Variants in PCDHGB5 observed in about 807,000 individuals in gnomAD.
PCDHGB5 encodes the protein protocadherin gamma subfamily B, 5, also known as protocadherin gamma-B5.
PCDHGB5 carries 48 observed loss-of-function variants against 62.9 expected under a neutral mutation model. That is an observed-to-expected ratio of 0.76 (90% CI 0.61 to 0.97). The LOEUF is 0.97. Among genes scored for constraint, PCDHGB5 ranks in the 50% least tolerant of loss-of-function variants. The probability of loss-of-function intolerance (pLI) is 0.00; values close to 1 mark genes in which losing one functional copy is unlikely to be tolerated. For synonymous variants in PCDHGB5, 474 were observed against 511.2 expected, an observed-to-expected ratio of 0.93 and a Z score of 0.98; for missense variants, 1,118 against 1,198.6, an observed-to-expected ratio of 0.93 and a Z score of 0.99.
Position 141,432,038 on chromosome 5 carries a change from C to G in PCDHGB5, c.2397+31514C>G, listed in dbSNP as rs202246871. ...CAACATCACAGTGACCGCCACTGAC[C>G]GGGGAACCCCGCCCCTATCCACGGA... On this transcript the variant is annotated intron_variant, in intron 1 of 3. Transcript: ENST00000617380. This position sits in a 1 kb window ranked among gnomAD's most constrained non-coding sequence, Gnocchi z 6.0. 2 of 1,614,190 alleles carry G rather than the reference C, an allele frequency of 1.2e-6. No homozygotes were observed. The highest frequency in any genetic ancestry group is 8.5e-7 in the Non-Finnish European group (1 of 1,180,032).
Position 141,476,024 on chromosome 5 carries a change from C to T in PCDHGB5, c.2398-18783C>T. ...ATCCAGAAAGCCATGTCGGACTCGG[C>T]GCCCAGCGCCCAAGCGCTAACCCGC... On this transcript the variant is annotated intron_variant, in intron 1 of 3. Coordinates refer to ENST00000617380, the MANE Select transcript of PCDHGB5 (RefSeq NM_018925.3). The surrounding 1 kb of genome is among the most constrained non-coding windows in gnomAD (Gnocchi z 7.6). The T allele has an allele frequency of 1.4e-6, 2 of 1,416,548 alleles. No individual in the cohort carries two copies. Among genetic ancestry groups the T allele is most frequent in the Non-Finnish European group, 9.5e-7 (1 of 1,058,066 alleles). 87.7% of individuals were successfully genotyped at this position (1,416,548 alleles called of 1,614,324 possible).
intron 3 of PCDHGB5, among the ~76,000 whole-genome samples, chr5:141,507,772 A>C (rs2099863177): frequency 6.6e-6 from 1 of 152,332 alleles, no homozygotes; most frequent in South Asian, 2.1e-4. Flanking sequence ...TGGCCCACAC[A>C]GGGCCTGACC....
intron 1 of PCDHGB5, chr5:141,428,087 G>A (rs2097108117): frequency 6.2e-7 from 1 of 1,609,106 alleles, no homozygotes; most frequent in Non-Finnish European, 8.5e-7. Context: ...ACAACGCTTG[G>A]CTGTCCTACC....
rs553104661 is a variant in PCDHGB5 at position 141,460,009 on chromosome 5, C to T, written c.2398-34798C>T. ...AGGAGAATCGCTTGAACCCAGGAGG[C>T]GGAGGTTGCAGTGAGCCGAGACTGC... On this transcript the variant is annotated intron_variant, in intron 1 of 3. Coordinates refer to ENST00000617380, the MANE Select transcript of PCDHGB5 (RefSeq NM_018925.3). 9.9e-4 allele frequency among the ~76,000 whole-genome samples: 150 copies of T among 152,212 alleles called. 1 individual carries two copies. The highest frequency in any genetic ancestry group is 3.4e-3 in the Middle Eastern group (1 of 294).
chr5:141,451,330 T>C (rs1335156581), intron 1 of PCDHGB5, among the ~76,000 whole-genome samples: 2 of 152,200 alleles, frequency 1.3e-5, no homozygotes, highest in East Asian at 1.9e-4. Context: ...CCTAAGGCTA[T>C]TGTCTTATCT....
In PCDHGB5 at chr5:141,422,884, G is replaced by C. The variant is rs202035589; in HGVS notation, c.2397+22360G>C. On this transcript the variant is annotated intron_variant, in intron 1 of 3. Transcript: ENST00000617380. ...CAGCAACGTGTCGCTGAGCCTGTTC[G>C]TGCTGGACCAGAACGACAATGCGCC... The C allele has an allele frequency of 1.7e-4, 278 of 1,614,240 alleles. No homozygotes were observed. The African/African-American group carries it at 2.0e-3, about 12-fold the overall frequency.
intron 1 of PCDHGB5, among the ~76,000 whole-genome samples, chr5:141,467,051 T>G (rs988417775): frequency 6.6e-6 from 1 of 151,462 alleles, no homozygotes; most frequent in Non-Finnish European, 1.5e-5. Context: ...TGAATCAATG[T>G]TTTCTTTTTT....
intron 1 of PCDHGB5, among the ~76,000 whole-genome samples, chr5:141,450,666 T>G (rs1434496607): frequency 6.6e-6 from 1 of 151,890 alleles, no homozygotes; most frequent in African/African-American, 2.4e-5. Context: ...TTTGTACTTT[T>G]AGTAGAAACG....
At chr5:141,400,943 T>G (rs1253479872) in intron 1 of PCDHGB5, among the ~76,000 whole-genome samples, 1 of 152,260 alleles carries the variant, frequency 6.6e-6, no homozygotes, top group East Asian at 1.9e-4. Flanking sequence ...CTTTCTTCAC[T>G]GATTTCACTG....
In PCDHGB5 at chr5:141,490,462, ACCAG is replaced by A; in HGVS notation, c.2398-4338_2398-4335del. On this transcript the variant is annotated intron_variant, in intron 1 of 3. Coordinates refer to ENST00000617380, the MANE Select transcript of PCDHGB5 (RefSeq NM_018925.3). The surrounding 1 kb of genome is among the most constrained non-coding windows in gnomAD (Gnocchi z 5.4). ...TTCTGAGAACCACTACTCGCTGCTA[ACCAG>A]CCAGCCTTTGGACCGGGAGGCCACA... 1 of 1,614,198 alleles carries A rather than the reference ACCAG, an allele frequency of 6.2e-7. No homozygotes were observed.
At chr5:141,453,206 T>G (rs914064627) in intron 1 of PCDHGB5, among the ~76,000 whole-genome samples, 8 of 152,102 alleles carry the variant, frequency 5.3e-5, no homozygotes, top group African/African-American at 1.9e-4. Context: ...CTCAACCTCG[T>G]GCACTTAAGC....
At chr5:141,500,223 T>G (rs1034982746) in intron 2 of PCDHGB5, among the ~76,000 whole-genome samples, 16 of 145,318 alleles carry the variant, frequency 1.1e-4, no homozygotes, top group African/African-American at 3.4e-4. Context: ...TTTATTTATT[T>G]ATTGATACGT....
intron 1 of PCDHGB5, chr5:141,423,295 C>A: frequency 6.2e-7 from 1 of 1,614,146 alleles, no homozygotes; most frequent in Non-Finnish European, 8.5e-7. Context: ...AACCTCAGAC[C>A]TCTCGCTGTA....
chr5:141,405,037 G>C (rs756524085), intron 1 of PCDHGB5: 5 of 1,613,856 alleles, frequency 3.1e-6, no homozygotes, highest in Non-Finnish European at 4.2e-6. Flanking sequence ...ACCTCGTTGT[G>C]GCTGTGGCAG....
Position 141,432,647 on chromosome 5 carries a change from C to G in PCDHGB5, c.2397+32123C>G, listed in dbSNP as rs747789886. The G allele has an allele frequency of 1.7e-5, 28 of 1,613,678 alleles. No individual in the cohort carries two copies. In the Admixed American group the frequency reaches 4.5e-4, roughly 26 times the overall value. ...GCACACGGGCGAGGTGCGCACGGCG[C>G]GAGCCCTGCTGGACAGAGACGCGCT... On this transcript the variant is annotated intron_variant, in intron 1 of 3. Coordinates refer to ENST00000617380, the MANE Select transcript of PCDHGB5 (RefSeq NM_018925.3). This position sits in a 1 kb window ranked among gnomAD's most constrained non-coding sequence, Gnocchi z 6.0.
chr5:141,415,194 C>T (rs1252476580), intron 1 of PCDHGB5: 2 of 1,614,064 alleles, frequency 1.2e-6, no homozygotes, highest in Non-Finnish European at 1.7e-6. Context: ...ACAGCATCCC[C>T]CAAGTCCTGG....
chr5:141,430,967 G>A lies in PCDHGB5; in HGVS notation c.2397+30443G>A, dbSNP rs746992307. 5 of 1,613,256 alleles carry A rather than the reference G, an allele frequency of 3.1e-6. No individual in the cohort carries two copies. In the East Asian group the frequency reaches 6.7e-5, roughly 22 times the overall value. On this transcript the variant is annotated intron_variant, in intron 1 of 3. Coordinates refer to ENST00000617380, the MANE Select transcript of PCDHGB5 (RefSeq NM_018925.3). ...GCGCGGAGTCCGCATCATCCCCAGA[G>A]GTAGGACGCAGCTTTTCGCCCTGAA... is the stretch of plus-strand genomic sequence containing the variant.
chr5:141,478,623 G>A, intron 1 of PCDHGB5: 2 of 1,554,358 alleles, frequency 1.3e-6, no homozygotes, highest in Non-Finnish European at 1.7e-6. Flanking sequence ...GAATGGAGCT[G>A]TTTTTTTAGT....
intron 1 of PCDHGB5, among the ~76,000 whole-genome samples, chr5:141,435,885 C>T (rs2097784639): frequency 6.6e-6 from 1 of 152,088 alleles, no homozygotes; most frequent in Non-Finnish European, 1.5e-5. Context: ...TTGGAAACCC[C>T]TTAGAGAATG....
Sources: allele counts gnomAD v4.1 joint callset (sites outside exome capture counted in the v4.1 genomes callset), GRCh38; gene constraint gnomAD v4.1.1; non-coding constraint Gnocchi (gnomAD v3.1); transcripts MANE v1.5; gene names NCBI Gene and HGNC (gene_info 2026-07-23, HGNC 2026-07-21).